The following DAB1 variants were observed in gnomAD, a reference collection of about 807,000 sequenced individuals.
The protein encoded by DAB1 is disabled homolog 1.
DAB1 carries 15 observed loss-of-function variants against 64.6 expected under a neutral mutation model. That is an observed-to-expected ratio of 0.23 (90% CI 0.16 to 0.36). The LOEUF (loss-of-function observed/expected upper bound fraction) is 0.36, where lower values mean the gene tolerates loss of function less well. Ranked by LOEUF, DAB1 falls within the 10% of genes least tolerant of loss-of-function variation. The pLI is 1.00. For synonymous variants in DAB1, 235 were observed against 251.9 expected, an observed-to-expected ratio of 0.93 and a Z score of 0.64; for missense variants, 596 against 706.7, an observed-to-expected ratio of 0.84 and a Z score of 1.78.
intron 7 of DAB1, among the ~76,000 whole-genome samples, chr1:57,520,445 T>G (rs978060088): frequency 2.0e-5 from 3 of 152,168 alleles, no homozygotes; most frequent in African/African-American, 7.2e-5. Flanking sequence ...CTACAAAGAT[T>G]AAGGGTCAAT....
intron 6 of DAB1, among the ~76,000 whole-genome samples, chr1:57,766,457 T>TGG (rs1302731150): frequency 2.0e-5 from 3 of 152,122 alleles, no homozygotes; most frequent in Non-Finnish European, 4.4e-5. Context: ...CCAGACTCAC[T>TGG]GGTCCCCCTC....
At chr1:57,541,655 A>G (rs1307987426) in intron 7 of DAB1, among the ~76,000 whole-genome samples, 1 of 152,168 alleles carries the variant, frequency 6.6e-6, no homozygotes, top group Non-Finnish European at 1.5e-5. Flanking sequence ...GATGTAACAA[A>G]ATGGGTTTTG....
chr1:57,769,120 G>C (rs906593600), intron 6 of DAB1, among the ~76,000 whole-genome samples: 1 of 152,130 alleles, frequency 6.6e-6, no homozygotes. Context: ...CAGAGGGCCT[G>C]CTGCATGGTA....
At chr1:58,432,407 C>T (rs1569775580) in intron 3 of DAB1, among the ~76,000 whole-genome samples, 1 of 152,186 alleles carries the variant, frequency 6.6e-6, no homozygotes, top group East Asian at 1.9e-4. Context: ...TGATTGTATC[C>T]CCAGCACCTG....
intron 2 of DAB1, among the ~76,000 whole-genome samples, chr1:57,260,643 G>A (rs1670113335): frequency 1.3e-5 from 2 of 152,132 alleles, no homozygotes; most frequent in African/African-American, 4.8e-5. Context: ...GATCCTCTAA[G>A]TTAATCCCCC....
chr1:57,171,423 A>G (rs1375760954), intron 2 of DAB1, among the ~76,000 whole-genome samples: 1 of 152,248 alleles, frequency 6.6e-6, no homozygotes, highest in Non-Finnish European at 1.5e-5. Context: ...CAACACCTGC[A>G]AAGATCTTTC....
chr1:57,982,280 C>A lies in DAB1; in HGVS notation n.388-98118G>T, dbSNP rs146522372. ...GGTAAATTGTCCTTTAGAACAGAACCCATTTTAGGTAAATCACCCACATGA... is the reference window on the plus strand; with the variant it reads ...GGTAAATTGTCCTTTAGAACAGAACACATTTTAGGTAAATCACCCACATGA... On this transcript the variant is annotated intron_variant and non_coding_transcript_variant, in intron 5 of 20. Transcript: ENST00000485760. 8.5e-4 allele frequency among the ~76,000 whole-genome samples: 129 copies of A among 152,284 alleles called. 3 individuals carry two copies. The East Asian group carries it at 0.022, about 26-fold the overall frequency.
At chr1:58,020,667 T>G (rs372117373) in intron 5 of DAB1, among the ~76,000 whole-genome samples, 2 of 152,072 alleles carry the variant, frequency 1.3e-5, no homozygotes, top group South Asian at 4.2e-4. Context: ...TGATGCCCAA[T>G]GAGAAGTTGT....
Position 57,177,826 on chromosome 1 carries a change from T to C in DAB1, c.68-32397A>G, listed in dbSNP as rs1662489998. Among the ~76,000 whole-genome samples, 3 of 152,230 alleles carry C rather than the reference T, an allele frequency of 2.0e-5. No homozygotes were observed. In the South Asian group the frequency reaches 6.2e-4, roughly 32 times the overall value. On this transcript the variant is annotated intron_variant, in intron 2 of 14. Coordinates refer to ENST00000371236, the MANE Select transcript of DAB1 (RefSeq NM_001365792.1). ...CTCCAAAGCAATAAAATATAAGCTATATCAGATCTTTGGATGCCACAGAGT... is the reference window on the plus strand; with the variant it reads ...CTCCAAAGCAATAAAATATAAGCTACATCAGATCTTTGGATGCCACAGAGT...
At chr1:58,149,448 G>A (rs1399135666) in intron 5 of DAB1, among the ~76,000 whole-genome samples, 13 of 152,156 alleles carry the variant, frequency 8.5e-5, no homozygotes, top group Non-Finnish European at 1.6e-4. Flanking sequence ...TAGCAGGAAG[G>A]AAGCCATCAA....
chr1:57,727,587 C>G (rs895897904), intron 6 of DAB1, among the ~76,000 whole-genome samples: 9 of 152,126 alleles, frequency 5.9e-5, no homozygotes, highest in African/African-American at 1.9e-4. Context: ...GATCCTGGAG[C>G]CACTTTCATA....
At chr1:57,972,825 A>T (rs1176337836) in intron 5 of DAB1, among the ~76,000 whole-genome samples, 1 of 152,194 alleles carries the variant, frequency 6.6e-6, no homozygotes, top group Non-Finnish European at 1.5e-5. Context: ...CCTCACATTC[A>T]CCTATAGCCT....
At chr1:57,770,476 C>T (rs1187520870) in intron 6 of DAB1, among the ~76,000 whole-genome samples, 1 of 151,884 alleles carries the variant, frequency 6.6e-6, no homozygotes, top group East Asian at 1.9e-4. Context: ...CTATGTTGCC[C>T]AGGCTGGCCT....
intron 3 of DAB1, chr1:58,415,468 T>C (rs1644710499): frequency 4.1e-6 from 1 of 244,086 alleles, no homozygotes; most frequent in South Asian, 1.5e-4. Flanking sequence ...TGGCTGCCCT[T>C]GGGGATACAT....
chr1:57,159,380 T>C (rs1187416149), intron 2 of DAB1, among the ~76,000 whole-genome samples: 1 of 152,170 alleles, frequency 6.6e-6, no homozygotes, highest in Non-Finnish European at 1.5e-5. Flanking sequence ...GAGATGATCA[T>C]GCCAAATCAG....
At chr1:58,217,822 T>C (rs1451949717) in intron 4 of DAB1, among the ~76,000 whole-genome samples, 1 of 152,136 alleles carries the variant, frequency 6.6e-6, no homozygotes, top group East Asian at 1.9e-4. Context: ...CCATAGTACC[T>C]AACACAGAGC....
At chr1:58,542,932 G>A (rs1426645200) in intron 1 of DAB1, among the ~76,000 whole-genome samples, 3 of 152,102 alleles carry the variant, frequency 2.0e-5, no homozygotes, top group Admixed American at 6.5e-5. Flanking sequence ...GGTCTACAGC[G>A]GGTGCTATGG....
At chr1:58,190,164 T>C (rs1006981375) in intron 4 of DAB1, among the ~76,000 whole-genome samples, 3 of 152,194 alleles carry the variant, frequency 2.0e-5, no homozygotes, top group Non-Finnish European at 2.9e-5. Context: ...CCACTGGATC[T>C]AGAATCTGAA....
intron 2 of DAB1, among the ~76,000 whole-genome samples, chr1:57,203,209 T>C (rs1178484255): frequency 6.6e-6 from 1 of 152,162 alleles, no homozygotes; most frequent in Non-Finnish European, 1.5e-5. Context: ...TTTTGGACAA[T>C]CTAACAGAAA....
Sources: gnomAD v4.1 joint callset for allele counts (sites outside exome capture counted in the v4.1 genomes callset) on GRCh38, gnomAD v4.1.1 for gene constraint, MANE v1.5 for transcripts, NCBI Gene and HGNC (gene_info 2026-07-23, HGNC 2026-07-21) for gene names.